Variants in PRIM2 observed in about 807,000 individuals in gnomAD.
The protein encoded by PRIM2 is DNA primase subunit 2.
In PRIM2, 39 loss-of-function variants were observed where a neutral mutation model predicts 67.3. The observed-to-expected ratio is 0.58, with a 90% CI of 0.45 to 0.76. The LOEUF (loss-of-function observed/expected upper bound fraction) is 0.76, where lower values mean the gene tolerates loss of function less well. PRIM2 is among the 30% of genes least tolerant of loss of function. The pLI, the probability that PRIM2 is intolerant of heterozygous loss-of-function variation, is 0.00. For missense variants in PRIM2, 398 were observed against 598.7 expected (o/e 0.66, Z 3.50); for synonymous variants, 143 against 198.7 (o/e 0.72, Z 2.36).
At chr6:57,262,801 T>G in the PRIM2 span, among the ~76,000 whole-genome samples, 2 of 152,202 alleles carry the variant, frequency 1.3e-5, no homozygotes, top group African/African-American at 4.8e-5. Context: ...TCACAGAGGT[T>G]CTGCAACCTG....
the PRIM2 span, among the ~76,000 whole-genome samples, chr6:57,270,378 AT>A: frequency 3.9e-5 from 6 of 152,152 alleles, no homozygotes. Context: ...TAGGTAATTT[AT>A]TCTCTTTGAA....
intron 7 of PRIM2, among the ~76,000 whole-genome samples, chr6:57,447,181 G>A (rs1042564263): frequency 6.6e-6 from 1 of 152,216 alleles, no homozygotes; most frequent in African/African-American, 2.4e-5. Flanking sequence ...TGGTTTTGTT[G>A]TAGGTCTGGA....
chr6:57,286,015 A>G, the PRIM2 span, among the ~76,000 whole-genome samples: 1 of 152,214 alleles, frequency 6.6e-6, no homozygotes, highest in Non-Finnish European at 1.5e-5. Flanking sequence ...CAATTGCTAT[A>G]AAGAAAATAA....
At chr6:57,472,654 G>C (rs1257088691) in intron 7 of PRIM2, among the ~76,000 whole-genome samples, 44 of 152,228 alleles carry the variant, frequency 2.9e-4, no homozygotes, top group African/African-American at 1.0e-3. Context: ...ATTCCATTCA[G>C]AGAATAGAGG....
intron 10 of PRIM2, among the ~76,000 whole-genome samples, chr6:57,580,205 G>C (rs1415330624): frequency 6.6e-6 from 1 of 152,044 alleles, no homozygotes; most frequent in Non-Finnish European, 1.5e-5. Context: ...CCAGGAATTT[G>C]AGACCTGCCC....
At chr6:57,368,992 A>G (rs565578120) in intron 5 of PRIM2, among the ~76,000 whole-genome samples, 33 of 152,322 alleles carry the variant, frequency 2.2e-4, no homozygotes, top group African/African-American at 7.9e-4. Flanking sequence ...AGAACTGGGT[A>G]AAATACATGC....
At chr6:57,287,678 T>C in the PRIM2 span, among the ~76,000 whole-genome samples, 1 of 151,828 alleles carries the variant, frequency 6.6e-6, no homozygotes, top group Non-Finnish European at 1.5e-5. Flanking sequence ...AAAACTTATG[T>C]GACGGGTTGA....
chr6:57,490,771 A>G (rs1391043976), intron 7 of PRIM2, among the ~76,000 whole-genome samples: 2 of 152,170 alleles, frequency 1.3e-5, no homozygotes, highest in Non-Finnish European at 2.9e-5. Context: ...TAGAAAATAT[A>G]TATTTTTTAT....
At chr6:57,243,143 T>G in the PRIM2 span, among the ~76,000 whole-genome samples, 1 of 152,240 alleles carries the variant, frequency 6.6e-6, no homozygotes, top group Admixed American at 6.5e-5. Flanking sequence ...TAATATTGCA[T>G]AGCCTCTTAG....
chr6:57,592,867 C>CG (rs1252516387), intron 10 of PRIM2, among the ~76,000 whole-genome samples: 2 of 151,826 alleles, frequency 1.3e-5, no homozygotes, highest in East Asian at 3.9e-4. Flanking sequence ...TAAGGAAGAC[C>CG]GTGCAATGCA....
the PRIM2 span, among the ~76,000 whole-genome samples, chr6:57,232,788 G>A: frequency 6.6e-6 from 1 of 152,042 alleles, no homozygotes; most frequent in Admixed American, 6.6e-5. Context: ...TTTTCTTTTT[G>A]TTGTGCACAT....
intron 5 of PRIM2, among the ~76,000 whole-genome samples, chr6:57,355,372 G>A (rs1401744247): frequency 6.6e-6 from 1 of 151,502 alleles, no homozygotes; most frequent in Non-Finnish European, 1.5e-5. Flanking sequence ...GGTATGCCAC[G>A]CTCCCTTTAT....
chr6:57,501,781 G>C (rs1554346901), intron 7 of PRIM2, among the ~76,000 whole-genome samples: 3 of 152,076 alleles, frequency 2.0e-5, no homozygotes, highest in African/African-American at 2.4e-5. Flanking sequence ...AAATAACAAG[G>C]CTATTTCTTT....
chr6:57,443,954 T>C (rs1772281964), intron 7 of PRIM2, among the ~76,000 whole-genome samples: 1 of 152,168 alleles, frequency 6.6e-6, no homozygotes, highest in South Asian at 2.1e-4. Context: ...TGGTGTGAGA[T>C]AAGGGTCCAA....
intron 5 of PRIM2, among the ~76,000 whole-genome samples, chr6:57,367,642 C>G (rs78540386): frequency 6.6e-6 from 1 of 152,196 alleles, no homozygotes; most frequent in Non-Finnish European, 1.5e-5. Flanking sequence ...TATATATGGG[C>G]TTTCTTAGTT....
At chr6:57,502,698 TC>T (rs1320244570) in intron 7 of PRIM2, among the ~76,000 whole-genome samples, 1 of 152,308 alleles carries the variant, frequency 6.6e-6, no homozygotes, top group African/African-American at 2.4e-5. Flanking sequence ...AGGCTACACT[TC>T]CTAGTCTATC....
chr6:57,469,044 C>T (rs1175517295), intron 7 of PRIM2, among the ~76,000 whole-genome samples: 1 of 152,172 alleles, frequency 6.6e-6, no homozygotes, highest in African/African-American at 2.4e-5. Flanking sequence ...ATGAAGAGAG[C>T]TTCTCATGTT....
intron 8 of PRIM2, among the ~76,000 whole-genome samples, chr6:57,511,529 G>C (rs1428572173): frequency 1.3e-5 from 2 of 152,102 alleles, no homozygotes; most frequent in East Asian, 3.9e-4. Flanking sequence ...TGTCTCCCTC[G>C]TGGAATTATC....
intron 10 of PRIM2, among the ~76,000 whole-genome samples, chr6:57,581,353 T>G (rs1444652823): frequency 6.6e-6 from 1 of 152,202 alleles, no homozygotes; most frequent in Non-Finnish European, 1.5e-5. Context: ...TTTTAAGGAT[T>G]ACTAAATCTA....
Sources: allele counts gnomAD v4.1 joint callset (sites outside exome capture counted in the v4.1 genomes callset), GRCh38; gene constraint gnomAD v4.1.1; transcripts MANE v1.5; gene names NCBI Gene and HGNC (gene_info 2026-07-23, HGNC 2026-07-21).